The following MME variants were observed in gnomAD, a reference collection of about 807,000 sequenced individuals.
The protein encoded by MME is membrane metalloendopeptidase, also known as neprilysin.
In MME, 98 loss-of-function variants were observed where a neutral mutation model predicts 113.2. The ratio of observed to expected loss-of-function variants is 0.87; its 90% CI spans 0.74 to 1.02. The LOEUF is 1.02. Ranked by LOEUF, MME falls within the 50% of genes least tolerant of loss-of-function variation. The probability of loss-of-function intolerance (pLI) is 0.00; values close to 1 mark genes in which losing one functional copy is unlikely to be tolerated. For synonymous variants in MME, 292 were observed against 300.6 expected (o/e 0.97, Z 0.30); for missense variants, 836 against 896.0 (o/e 0.93, Z 0.86).
chr3:155,180,637 G>A lies in MME; in HGVS notation c.*178G>A. On this transcript the variant is annotated 3_prime_UTR_variant, in exon 23 of 23. Transcript: ENST00000360490. ...GGTTGTCCTAGAAAGGGTGTGGAGG[G>A]AGGAAGGGGGTCTAAGGTCTATCAA... 1 of 640,208 alleles carries A rather than the reference G, an allele frequency of 1.6e-6. No individual in the cohort carries two copies. Among genetic ancestry groups the A allele is most frequent in the Non-Finnish European group, 2.9e-6 (1 of 346,572 alleles). The allele number at this position is 640,208 out of a possible 1,614,324, so 39.7% of individuals were successfully genotyped here.
chr3:155,086,022 T>C (rs1214774239), intron 3 of MME, among the ~76,000 whole-genome samples: 1 of 152,182 alleles, frequency 6.6e-6, no homozygotes, highest in African/African-American at 2.4e-5. Flanking sequence ...GAGAAACAGA[T>C]ATTTTTGAAC....
intron 8 of MME, among the ~76,000 whole-genome samples, chr3:155,127,368 G>C (rs1408321520): frequency 6.6e-6 from 1 of 152,180 alleles, no homozygotes. Context: ...GTTCACCAGT[G>C]CCCTATTCAC....
At chr3:155,144,264 A>G in intron 13 of MME, 95 bp from the exon 14 acceptor site, 1 of 827,336 alleles carries the variant, frequency 1.2e-6, no homozygotes, top group Non-Finnish European at 2.1e-6. Context: ...TTAACATATT[A>G]AGTCATACAA....
chr3:155,047,830 G>A (rs547218115), intron 1 of MME, among the ~76,000 whole-genome samples: 48 of 152,250 alleles, frequency 3.2e-4, no homozygotes, highest in African/African-American at 9.9e-4. Context: ...AAGCCAGTCC[G>A]ATTCAGGCAG....
intron 1 of MME, among the ~76,000 whole-genome samples, chr3:155,052,994 T>C (rs1713810956): frequency 6.6e-6 from 1 of 152,194 alleles, no homozygotes; most frequent in Non-Finnish European, 1.5e-5. Context: ...CACTAGTCTC[T>C]TTGCACAGCA....
chr3:155,099,135 T>C (rs952997475), intron 3 of MME, among the ~76,000 whole-genome samples: 2 of 152,156 alleles, frequency 1.3e-5, no homozygotes, highest in Non-Finnish European at 2.9e-5. Context: ...TTAGTTCATA[T>C]GGATTAGTAT....
chr3:155,093,530 C>T (rs896930457), intron 3 of MME, among the ~76,000 whole-genome samples: 3 of 152,062 alleles, frequency 2.0e-5, no homozygotes, highest in African/African-American at 4.8e-5. Flanking sequence ...ACAGGTGCTG[C>T]GAGATGTTTT....
intron 1 of MME, among the ~76,000 whole-genome samples, chr3:155,033,386 A>G (rs77580517): frequency 0.044 from 6,648 of 152,272 alleles, 160 homozygotes; most frequent in African/African-American, 0.052. Flanking sequence ...TAAATCTATT[A>G]TATTAAGCTT....
intron 8 of MME, among the ~76,000 whole-genome samples, chr3:155,137,481 C>G (rs141569802): frequency 6.6e-6 from 1 of 152,028 alleles, no homozygotes; most frequent in Admixed American, 6.6e-5. Context: ...CCAAGGCAGG[C>G]GGATCACAAT....
At chr3:155,052,593 G>A (rs78766886) in intron 1 of MME, among the ~76,000 whole-genome samples, 3,267 of 152,344 alleles carry the variant, frequency 0.021, 112 homozygotes, top group African/African-American at 0.069. Flanking sequence ...AAGTAGCTGG[G>A]ATGTGGGGCA....
At position 155,181,372 on chromosome 3, in the gene MME, T is replaced by C. The variant is rs940220349; in HGVS notation, c.*913T>C. 9 of 152,084 alleles carry C rather than the reference T, an allele frequency of 5.9e-5. No individual in the cohort carries two copies. Among genetic ancestry groups the C allele is most frequent in the African/African-American group, 1.9e-4 (8 of 41,428 alleles). The allele number at this position is 152,084 out of a possible 1,614,324, so 9.4% of individuals were successfully genotyped here. A position where few individuals can be genotyped will look rare whatever the true frequency, so the allele number is the denominator to read the frequency against. On this transcript the variant is annotated 3_prime_UTR_variant, in exon 23 of 23. Transcript: ENST00000360490. The stretch of plus-strand genomic sequence containing the variant: ...CTTATAAATCATATTGATGAAAAGA[T>C]TTAAGCACAAACTTTAGGGTAAAAA...
At chr3:155,030,463 C>T (rs567599796) in intron 1 of MME, among the ~76,000 whole-genome samples, 79 of 152,124 alleles carry the variant, frequency 5.2e-4, no homozygotes, top group African/African-American at 1.8e-3. Context: ...GCCCTTTAAT[C>T]GATAGGGCAA....
chr3:155,064,407 C>T (rs966827452), intron 1 of MME, among the ~76,000 whole-genome samples: 5 of 152,018 alleles, frequency 3.3e-5, no homozygotes, highest in African/African-American at 1.2e-4. Context: ...GCCATGCAGC[C>T]GCAAAGTCAG....
intron 3 of MME, among the ~76,000 whole-genome samples, chr3:155,103,788 G>A (rs995994333): frequency 1.2e-4 from 19 of 152,052 alleles, no homozygotes; most frequent in African/African-American, 4.6e-4. Context: ...GCTAAGTGTT[G>A]CTGTTCTTCA....
chr3:155,155,787 G>A (rs144967029), intron 16 of MME, among the ~76,000 whole-genome samples: 1 of 152,194 alleles, frequency 6.6e-6, no homozygotes, highest in Admixed American at 6.5e-5. Context: ...ACCCACCCAA[G>A]TGTCTCCAAA....
chr3:155,083,440 T>C (rs1248501701), intron 1 of MME: 3 of 152,348 alleles, frequency 2.0e-5, no homozygotes, highest in African/African-American at 7.2e-5. Flanking sequence ...TGTACTATTT[T>C]GTTTACTTAT....
intron 1 of MME, among the ~76,000 whole-genome samples, chr3:155,025,678 T>C (rs182254556): frequency 8.1e-5 from 12 of 147,530 alleles, no homozygotes; most frequent in Admixed American, 7.4e-4. Flanking sequence ...AGATTTTTTC[T>C]TTCTTTCTTT....
At chr3:155,108,957 T>C (rs1239255992) in intron 3 of MME, among the ~76,000 whole-genome samples, 1 of 152,090 alleles carries the variant, frequency 6.6e-6, no homozygotes, top group Admixed American at 6.5e-5. Flanking sequence ...TAAGGTTGCG[T>C]CTTCTTAAGG....
chr3:155,145,512 G>C (rs1023806378), intron 14 of MME, among the ~76,000 whole-genome samples: 1 of 151,998 alleles, frequency 6.6e-6, no homozygotes, highest in Admixed American at 6.6e-5. Context: ...TTGGGGGCAG[G>C]GGGGCAGAAA....
Sources: allele counts gnomAD v4.1 joint callset (sites outside exome capture counted in the v4.1 genomes callset), GRCh38; gene constraint gnomAD v4.1.1; transcripts MANE v1.5; gene names NCBI Gene and HGNC (gene_info 2026-07-23, HGNC 2026-07-21).